Variants in ADNP observed in about 807,000 individuals in gnomAD.
ADNP encodes activity dependent neuroprotector homeobox.
ADNP carries 4 observed loss-of-function variants against 84.9 expected under a neutral mutation model. The ratio of observed to expected loss-of-function variants is 0.05; its 90% CI spans 0.02 to 0.11. The LOEUF is 0.11. ADNP is among the 10% of genes least tolerant of loss of function. ADNP has a pLI of 1.00. For missense variants in ADNP, 1,132 were observed against 1,326.0 expected (o/e 0.85, Z 2.27); for synonymous variants, 554 against 468.1 (o/e 1.18, Z -2.37).
At chr20:50,919,304 T>TATATATATATAG (rs1983765175) in intron 2 of ADNP, among the ~76,000 whole-genome samples, 1 of 136,762 alleles carries the variant, frequency 7.3e-6, no homozygotes, top group Admixed American at 8.0e-5. Flanking sequence ...TATATATATA[T>TATATATATATAG]ATATATATAT....
intron 2 of ADNP, among the ~76,000 whole-genome samples, chr20:50,907,110 G>A (rs763112184): frequency 2.6e-5 from 4 of 151,678 alleles, no homozygotes; most frequent in Non-Finnish European, 5.9e-5. Context: ...TGGGACTACA[G>A]GCGCCACCAC....
rs1362533308 is a variant in ADNP, at chr20:50,893,753, T to C, written c.961A>G (p.Met321Val). The stretch of plus-strand genomic sequence containing the variant: ...TGCTGCAGATGAACACTGGACATCA[T>C]GTTGACTCCTGTAGAATTTAAGTTA... ...KPNLNSTGVN[M>V]MSSVHLQQNN... The change falls in exon 6 of 6, where the codon ATG becomes GTG. Residue 321 changes from methionine to valine, a missense_variant. This residue lies in a region of ADNP where 239 missense variants were observed against 213.2 expected (regional missense o/e 1.12). Coordinates refer to ENST00000621696, the MANE Select transcript of ADNP (RefSeq NM_001282531.3). This position sits in a 1 kb window ranked among gnomAD's most constrained non-coding sequence, Gnocchi z 4.4. The C allele has an allele frequency of 1.9e-6, 3 of 1,614,050 alleles. No individual in the cohort carries two copies. Among genetic ancestry groups the C allele is most frequent in the South Asian group, 1.1e-5 (1 of 91,084 alleles).
intron 2 of ADNP, among the ~76,000 whole-genome samples, chr20:50,922,139 G>C (rs962762726): frequency 1.8e-4 from 27 of 152,152 alleles, no homozygotes. Context: ...TTTTTCCTCT[G>C]CCCTCACACC....
At position 50,892,527 on chromosome 20, in the gene ADNP, T is replaced by G; in HGVS notation, c.2187A>C (p.Lys729Asn). 6.2e-7 allele frequency: 1 copy of G among 1,614,136 alleles called. No homozygotes were observed. Among genetic ancestry groups the G allele is most frequent in the Non-Finnish European group, 8.5e-7 (1 of 1,180,032 alleles). Residue 729 changes from lysine to asparagine, a missense_variant, in exon 6 of 6, where the codon AAA becomes AAC. Transcript: ENST00000621696. ...YEQMEFPLLK[K>N]RKLDDDSDSP... is the part of the protein sequence containing the mutation. ...AATCACTATCATCATCTAACTTTCG[T>G]TTTTTCAGTAAGGGAAATTCCATTT...
At chr20:50,908,598 C>T (rs1312058308) in intron 2 of ADNP, among the ~76,000 whole-genome samples, 1 of 151,908 alleles carries the variant, frequency 6.6e-6, no homozygotes, top group Non-Finnish European at 1.5e-5. Flanking sequence ...CATGGTGAAA[C>T]CCCGTCTCTA....
In ADNP at chr20:50,891,968, T is replaced by C; in HGVS notation, c.2746A>G (p.Ile916Val). Residue 916 changes from isoleucine (I) to valine (V), a missense_variant, in exon 6 of 6, where the codon ATT becomes GTT. By Grantham distance (29) the Ile-to-Val change is conservative (BLOSUM62 3). This residue lies in a region of ADNP where 381 missense variants were observed against 319.9 expected (regional missense o/e 1.19). Transcript: ENST00000621696. ...TCAGATTCTGAAGCATCCTCAGGAATTACCTTCAGTACATGTTCCTCTGGG... is the reference window on the plus strand; with the variant it reads ...TCAGATTCTGAAGCATCCTCAGGAACTACCTTCAGTACATGTTCCTCTGGG... ...DNPEEHVLKV[I>V]PEDASESEEK... 1 of 1,614,230 alleles carries C rather than the reference T, an allele frequency of 6.2e-7. No individual in the cohort carries two copies.
chr20:50,902,155 G>A (rs751526996), intron 4 of ADNP, 46 bp from the exon 5 acceptor site: 6 of 1,384,212 alleles, frequency 4.3e-6, no homozygotes, highest in East Asian at 2.3e-5. Context: ...TGGTATAAAC[G>A]CTAACCCAAT....
At chr20:50,918,002 A>C (rs1337304495) in intron 2 of ADNP, among the ~76,000 whole-genome samples, 14 of 152,214 alleles carry the variant, frequency 9.2e-5, no homozygotes, top group Admixed American at 8.5e-4. Context: ...GAATAAACAA[A>C]TTCATAGCAA....
At chr20:50,915,543 CTA>C (rs1208624018) in intron 2 of ADNP, among the ~76,000 whole-genome samples, 2 of 152,146 alleles carry the variant, frequency 1.3e-5, no homozygotes, top group African/African-American at 4.8e-5. Context: ...TTCCATTCTC[CTA>C]TAAGCTTGGG....
Position 50,930,977 on chromosome 20 carries a change from TCGCGCCGCGGCCGCGGGTGCTGCCGGGG to T in ADNP, c.-444_-417del, listed in dbSNP as rs1211163769. On this transcript the variant is annotated 5_prime_UTR_variant, in exon 1 of 6. Coordinates refer to ENST00000621696, the MANE Select transcript of ADNP (RefSeq NM_001282531.3). ...GCGCTCCGGCTCGGCGGACTCCGGC[TCGCGCCGCGGCCGCGGGTGCTGCCGGGG>T]GGCGCGGCGGGCGCAGCAGAGCGGC... 1.4e-5 allele frequency: 2 copies of T among 141,910 alleles called. No homozygotes were observed. The highest frequency in any genetic ancestry group is 3.1e-5 in the Non-Finnish European group (2 of 64,244). The allele number at this position is 141,910 out of a possible 1,614,324, so 8.8% of individuals were successfully genotyped here.
intron 2 of ADNP, among the ~76,000 whole-genome samples, chr20:50,910,676 A>G (rs919015222): frequency 1.1e-4 from 17 of 152,226 alleles, no homozygotes; most frequent in Middle Eastern, 3.4e-3. Context: ...TTTTTGAGAA[A>G]GGGTCTCACT....
chr20:50,919,609 A>G (rs1369616722), intron 2 of ADNP, among the ~76,000 whole-genome samples: 1 of 152,176 alleles, frequency 6.6e-6, no homozygotes, highest in Admixed American at 6.5e-5. Context: ...GAGGCGATGT[A>G]TCAGATGTGT....
chr20:50,900,237 T>C (rs994995761), intron 5 of ADNP, among the ~76,000 whole-genome samples: 4 of 152,194 alleles, frequency 2.6e-5, no homozygotes, highest in Non-Finnish European at 5.9e-5. Context: ...TGTTAATCAC[T>C]CTTATAGTAT....
chr20:50,908,501 G>C (rs961509774), intron 2 of ADNP, among the ~76,000 whole-genome samples: 1 of 152,162 alleles, frequency 6.6e-6, no homozygotes, highest in Non-Finnish European at 1.5e-5. Flanking sequence ...TAGGCTGGGC[G>C]CGGTGGCTCA....
Position 50,925,197 on chromosome 20 carries a change from AC to A in ADNP, c.-90+3453del, listed in dbSNP as rs781732857. 4.6e-4 allele frequency among the ~76,000 whole-genome samples: 70 copies of A among 152,184 alleles called. 3 individuals carry two copies. Among genetic ancestry groups the A allele is most frequent in the South Asian group, 2.5e-3 (12 of 4,820 alleles). ...ATTTTTCATTGATTAGAATAAAAAA[AC>A]GTGTGCCCTGCAATCAAAACTGTCA... On this transcript the variant is annotated intron_variant, in intron 2 of 5. Transcript: ENST00000621696.
intron 2 of ADNP, among the ~76,000 whole-genome samples, chr20:50,916,618 T>C (rs1490085690): frequency 6.6e-6 from 1 of 152,184 alleles, no homozygotes; most frequent in East Asian, 1.9e-4. Flanking sequence ...GAGACAACAA[T>C]ACTCTAATTC....
At chr20:50,915,017 GT>G (rs1402313877) in intron 2 of ADNP, among the ~76,000 whole-genome samples, 2 of 151,868 alleles carry the variant, frequency 1.3e-5, no homozygotes, top group Non-Finnish European at 2.9e-5. Flanking sequence ...AAAACGTATG[GT>G]TTTTTAAAAA....
At chr20:50,924,303 A>G (rs1322846840) in intron 2 of ADNP, among the ~76,000 whole-genome samples, 2 of 152,184 alleles carry the variant, frequency 1.3e-5, no homozygotes, top group Admixed American at 1.3e-4. Context: ...CACCTGCACA[A>G]TTTACACCCA....
chr20:50,908,311 TTG>T (rs1043313886), intron 2 of ADNP, among the ~76,000 whole-genome samples: 1 of 152,178 alleles, frequency 6.6e-6, no homozygotes, highest in Non-Finnish European at 1.5e-5. Flanking sequence ...TGTGAGTGTT[TTG>T]AACTATAACA....
Sources: gnomAD v4.1 joint callset for allele counts (sites outside exome capture counted in the v4.1 genomes callset) on GRCh38, gnomAD v4.1.1 for gene constraint, gnomAD v4.1.1 regional missense constraint, Gnocchi (gnomAD v3.1) non-coding constraint, MANE v1.5 for transcripts, NCBI Gene and HGNC (gene_info 2026-07-23, HGNC 2026-07-21) for gene names.